Variants in MYT1L observed in about 807,000 individuals in gnomAD.
MYT1L encodes myelin transcription factor 1-like protein.
In MYT1L, 12 loss-of-function variants were observed where a neutral mutation model predicts 126.7. That is an observed-to-expected ratio of 0.09 (90% CI 0.06 to 0.15). The LOEUF (loss-of-function observed/expected upper bound fraction) is 0.15, where lower values mean the gene tolerates loss of function less well. MYT1L is among the 10% of genes least tolerant of loss of function. MYT1L has a pLI of 1.00. For synonymous variants in MYT1L, 541 were observed against 604.2 expected, an observed-to-expected ratio of 0.90 and a Z score of 1.53; for missense variants, 979 against 1,585.2, an observed-to-expected ratio of 0.62 and a Z score of 6.49.
In MYT1L at chr2:1,917,108, G is replaced by A. The variant is rs73186664; in HGVS notation, c.1618+97C>T. On this transcript the variant is annotated intron_variant, in intron 11 of 24. Coordinates refer to ENST00000647738, the MANE Select transcript of MYT1L (RefSeq NM_001303052.2). This position sits in a 1 kb window ranked among gnomAD's most constrained non-coding sequence, Gnocchi z 5.9. ...GGGCCTAGTTAAATCAGGTCGCACC[G>A]AGCCGTACAATGGAGATGATGTCAG... 0.018 allele frequency: 25,579 copies of A among 1,437,658 alleles called. 999 individuals are homozygous for A. The highest frequency in any genetic ancestry group is 0.16 in the African/African-American group (11,286 of 71,128). The allele number at this position is 1,437,658 out of a possible 1,614,324, so 89.1% of individuals were successfully genotyped here. A position where few individuals can be genotyped will look rare whatever the true frequency, so the allele number is the denominator to read the frequency against.
chr2:2,140,433 T>TA (rs2083785143), intron 3 of MYT1L, among the ~76,000 whole-genome samples: 1 of 83,636 alleles, frequency 1.2e-5, no homozygotes, highest in African/African-American at 5.9e-5. Flanking sequence ...TTTCTTTTTC[T>TA]TTTTTTTTTT....
intron 4 of MYT1L, among the ~76,000 whole-genome samples, chr2:2,023,265 G>A (rs918174346): frequency 6.6e-5 from 10 of 152,192 alleles, no homozygotes; most frequent in Admixed American, 3.3e-4. Context: ...GCCTCCCTCA[G>A]AGGAGTGTTG....
At chr2:1,891,501 C>A (rs576074510) in intron 15 of MYT1L, among the ~76,000 whole-genome samples, 1 of 152,370 alleles carries the variant, frequency 6.6e-6, no homozygotes, top group Non-Finnish European at 1.5e-5. Flanking sequence ...CCTTTCATAG[C>A]ACTATAGCAT....
At position 1,911,286 on chromosome 2, in the gene MYT1L, G is replaced by T. The variant is rs147279818; in HGVS notation, c.1709+734C>A. Among the ~76,000 whole-genome samples the T allele has an allele frequency of 2.9e-3, 446 of 152,222 alleles. 5 individuals carry two copies. Among genetic ancestry groups the T allele is most frequent in the African/African-American group, 0.01 (435 of 41,540 alleles). On this transcript the variant is annotated intron_variant, in intron 12 of 24. Transcript: ENST00000647738. ...ACAAGCAAAAATTAGAGTGAAGCTT[G>T]TAACAGTTTCCTTCTTTTAGATACA...
intron 1 of MYT1L, among the ~76,000 whole-genome samples, chr2:2,309,467 A>G (rs570640841): frequency 6.9e-6 from 1 of 145,560 alleles, no homozygotes; most frequent in East Asian, 2.0e-4. Context: ...CTCCACCTAC[A>G]CTTTACTGTT....
chr2:2,094,281 G>A (rs2077198523), intron 3 of MYT1L, among the ~76,000 whole-genome samples: 1 of 152,154 alleles, frequency 6.6e-6, no homozygotes, highest in African/African-American at 2.4e-5. Context: ...AGGTGCTGGA[G>A]GGGATGTGGA....
intron 23 of MYT1L, among the ~76,000 whole-genome samples, chr2:1,800,565 C>A (rs1248574352): frequency 6.6e-6 from 1 of 152,110 alleles, no homozygotes. Context: ...GGCCCCAGCC[C>A]CAGAGGATGT....
At chr2:2,147,595 C>G (rs1162628489) in intron 3 of MYT1L, among the ~76,000 whole-genome samples, 2 of 152,260 alleles carry the variant, frequency 1.3e-5, no homozygotes, top group African/African-American at 4.8e-5. Context: ...ACCAACACTT[C>G]AGCTCACGGC....
chr2:1,943,305 CT>C lies in MYT1L; in HGVS notation c.181del (p.Arg61GlufsTer20), dbSNP rs1417217555. On this transcript the variant is annotated frameshift_variant, in exon 9 of 25. Transcript: ENST00000647738. LOFTEE classifies it high-confidence loss of function. The surrounding 1 kb of genome is among the most constrained non-coding windows in gnomAD (Gnocchi z 4.4). ...SVYGCPLAKK[R>X]KTQDKQPQEP... ...CTGGGGCTGTTTATCTTGTGTTTTT[CT>C]TTTTTTCGCCAAGGGACAACCATAT... 3.2e-6 allele frequency: 5 copies of C among 1,572,186 alleles called. No homozygotes were observed. Among genetic ancestry groups the C allele is most frequent in the South Asian group, 1.2e-5 (1 of 85,280 alleles).
At chr2:2,033,155 G>A (rs1161405903) in intron 4 of MYT1L, among the ~76,000 whole-genome samples, 2 of 141,486 alleles carry the variant, frequency 1.4e-5, no homozygotes, top group Non-Finnish European at 1.5e-5. Context: ...CTCACCCTGT[G>A]GCCCAGAGCA....
At chr2:1,941,517 A>T (rs186976355) in intron 9 of MYT1L, among the ~76,000 whole-genome samples, 1 of 152,306 alleles carries the variant, frequency 6.6e-6, no homozygotes, top group Non-Finnish European at 1.5e-5. Context: ...TTAGCATCTC[A>T]TGAATGACAC....
rs577752299 is a variant in MYT1L at position 1,849,796 on chromosome 2, G to C, written c.2774+1845C>G. Among the ~76,000 whole-genome samples the C allele has an allele frequency of 5.6e-4, 85 of 152,348 alleles. 2 individuals carry two copies. The South Asian group carries it at 0.017, about 31-fold the overall frequency. ...CACAATGTGTGCTTTTCATAGACAC[G>C]TGCTGTTTAAACATAGCTCTCAAAT... On this transcript the variant is annotated intron_variant, in intron 19 of 24. Coordinates refer to ENST00000647738, the MANE Select transcript of MYT1L (RefSeq NM_001303052.2).
At position 1,793,735 on chromosome 2, in the gene MYT1L, C is replaced by T. The variant is rs1316509438; in HGVS notation, c.3277-1271G>A. 6.6e-6 allele frequency among the ~76,000 whole-genome samples: 1 copy of T among 152,214 alleles called. No homozygotes were observed. The highest frequency in any genetic ancestry group is 1.5e-5 in the Non-Finnish European group (1 of 68,044). ...TGCAGGGACGGTCCCCTGTGGAGAA[C>T]ACACTGAAATCACACAGATTTATTT... On this transcript the variant is annotated intron_variant, in intron 23 of 24. Transcript: ENST00000647738. The surrounding 1 kb of genome is among the most constrained non-coding windows in gnomAD (Gnocchi z 4.6).
At chr2:2,008,512 G>A (rs1217418835) in intron 4 of MYT1L, among the ~76,000 whole-genome samples, 45 of 152,228 alleles carry the variant, frequency 3.0e-4, no homozygotes, top group South Asian at 2.1e-4. Flanking sequence ...TACGGCCTTC[G>A]CTCATTTGAG....
At chr2:1,820,697 C>T (rs2038395378) in intron 21 of MYT1L, among the ~76,000 whole-genome samples, 1 of 152,090 alleles carries the variant, frequency 6.6e-6, no homozygotes, top group Admixed American at 6.5e-5. Context: ...CAGCCATGTA[C>T]CACCATGCCT....
At chr2:1,847,581 G>A (rs938206530) in intron 19 of MYT1L, among the ~76,000 whole-genome samples, 1 of 152,086 alleles carries the variant, frequency 6.6e-6, no homozygotes, top group Non-Finnish European at 1.5e-5. Flanking sequence ...AAAGAGCAAA[G>A]GGAGACTACA....
At chr2:2,102,706 G>A (rs998289794) in intron 3 of MYT1L, among the ~76,000 whole-genome samples, 3 of 151,692 alleles carry the variant, frequency 2.0e-5, no homozygotes, top group Non-Finnish European at 4.4e-5. Flanking sequence ...AACTTGATCC[G>A]TGAAGCACTG....
chr2:2,275,600 T>G (rs762330187), intron 2 of MYT1L, among the ~76,000 whole-genome samples: 1 of 152,134 alleles, frequency 6.6e-6, no homozygotes, highest in Non-Finnish European at 1.5e-5. Flanking sequence ...CTGCCCTAAG[T>G]TGCCTCTTTA....
chr2:2,241,010 G>A (rs562339530), intron 2 of MYT1L, among the ~76,000 whole-genome samples: 1 of 152,270 alleles, frequency 6.6e-6, no homozygotes, highest in East Asian at 1.9e-4. Context: ...ACGTATTGGA[G>A]AGAGACAGAG....
Sources: gnomAD v4.1 joint callset for allele counts (sites outside exome capture counted in the v4.1 genomes callset) on GRCh38, gnomAD v4.1.1 for gene constraint, Gnocchi (gnomAD v3.1) non-coding constraint, MANE v1.5 for transcripts, NCBI Gene and HGNC (gene_info 2026-07-23, HGNC 2026-07-21) for gene names.